Variants in SCCPDH observed in about 807,000 individuals in gnomAD.
SCCPDH encodes the protein saccharopine dehydrogenase-like oxidoreductase.
In SCCPDH, 34 loss-of-function variants were observed where a neutral mutation model predicts 51.5. The observed-to-expected ratio is 0.66, with a 90% CI of 0.50 to 0.88. SCCPDH has a LOEUF of 0.88. SCCPDH is among the 40% of genes least tolerant of loss of function. The probability of loss-of-function intolerance (pLI) is 0.00; values close to 1 mark genes in which losing one functional copy is unlikely to be tolerated. For missense variants in SCCPDH, 464 were observed against 527.1 expected (o/e 0.88, Z 1.17); for synonymous variants, 187 against 191.3 (o/e 0.98, Z 0.19).
At chr1:246,735,232 C>T (rs187113770) in intron 2 of SCCPDH, among the ~76,000 whole-genome samples, 98 of 152,248 alleles carry the variant, frequency 6.4e-4, no homozygotes, top group African/African-American at 2.2e-3. Context: ...CTGATGTGGC[C>T]GTAGCCTGCC....
Position 246,744,138 on chromosome 1 carries a change from G to A in SCCPDH, c.564+13G>A. ...TTCAGGACCTGAGGTTGGTTTTTTG[G>A]TTTGTCTTGTGTTGTTTCAAGTTAA... On this transcript the variant is annotated intron_variant, in intron 5 of 11. Transcript: ENST00000366510. 1.3e-6 allele frequency: 2 copies of A among 1,553,000 alleles called. No homozygotes were observed. Among genetic ancestry groups the A allele is most frequent in the Non-Finnish European group, 1.8e-6 (2 of 1,128,406 alleles).
rs754617595 is a variant in SCCPDH at position 246,724,443 on chromosome 1, T to A, written c.21T>A (p.Pro7=). 2 of 1,585,564 alleles carry A rather than the reference T, an allele frequency of 1.3e-6. No individual in the cohort carries two copies. Among genetic ancestry groups the A allele is most frequent in the South Asian group, 1.1e-5 (1 of 87,244 alleles). The change falls in exon 1 of 12, where the codon CCT becomes CCA. Residue 7 remains proline, a synonymous_variant. Coordinates refer to ENST00000366510, the MANE Select transcript of SCCPDH (RefSeq NM_016002.3). ...TCGTCATGGCGACCGAGCAGAGGCC[T>A]TTCCACCTGGTGGTGTTCGGCGCGT... MATEQR[P]FHLVVFGASG...
intron 5 of SCCPDH, among the ~76,000 whole-genome samples, chr1:246,746,542 T>G (rs1668764127): frequency 6.6e-6 from 1 of 152,102 alleles, no homozygotes; most frequent in Admixed American, 6.5e-5. Flanking sequence ...TCCTCCCTTA[T>G]AAGAATAAAA....
intron 2 of SCCPDH, among the ~76,000 whole-genome samples, chr1:246,733,462 C>G (rs895146660): frequency 6.7e-6 from 1 of 148,448 alleles, no homozygotes; most frequent in African/African-American, 2.5e-5. Flanking sequence ...TATATGGCCT[C>G]TATATATAGT....
intron 2 of SCCPDH, among the ~76,000 whole-genome samples, chr1:246,727,353 C>T (rs35736382): frequency 0.17 from 25,739 of 151,996 alleles, 3,207 homozygotes; most frequent in African/African-American, 0.34. Flanking sequence ...TATTCTTGTA[C>T]TACTGGGTAA....
intron 4 of SCCPDH, among the ~76,000 whole-genome samples, chr1:246,743,190 C>T (rs1181305932): frequency 1.3e-5 from 2 of 151,848 alleles, no homozygotes; most frequent in Non-Finnish European, 2.9e-5. Context: ...GCCTTGAACT[C>T]CTGGGCTCAA....
intron 5 of SCCPDH, among the ~76,000 whole-genome samples, chr1:246,752,953 G>A (rs933033895): frequency 3.3e-5 from 5 of 151,464 alleles, no homozygotes; most frequent in African/African-American, 1.2e-4. Flanking sequence ...CTCTCCCTTT[G>A]CCTCTTCGTC....
intron 3 of SCCPDH, among the ~76,000 whole-genome samples, chr1:246,737,219 A>T (rs1558168077): frequency 7.7e-6 from 1 of 130,692 alleles, no homozygotes; most frequent in Non-Finnish European, 1.6e-5. Flanking sequence ...TGATTCAAAA[A>T]GGAGGAAACA....
At chr1:246,754,145 A>C (rs1390247740) in intron 5 of SCCPDH, among the ~76,000 whole-genome samples, 1 of 151,896 alleles carries the variant, frequency 6.6e-6, no homozygotes, top group Non-Finnish European at 1.5e-5. Context: ...CAACCCCCGC[A>C]GAGTATCCCG....
intron 2 of SCCPDH, among the ~76,000 whole-genome samples, chr1:246,728,037 C>T (rs909779423): frequency 1.6e-5 from 1 of 63,172 alleles, no homozygotes; most frequent in South Asian, 5.8e-4. Context: ...GCCCTGGGGT[C>T]GTAGTGGTGC....
In SCCPDH at chr1:246,767,430, T is replaced by G; in HGVS notation, c.*130T>G. ...TTGTCAAATCTAAAATATCTATATATTAAAAAGTAGGAAATTGTCCTAGCT... is the reference window on the plus strand; with the variant it reads ...TTGTCAAATCTAAAATATCTATATAGTAAAAAGTAGGAAATTGTCCTAGCT... On this transcript the variant is annotated 3_prime_UTR_variant, in exon 12 of 12. Coordinates refer to ENST00000366510, the MANE Select transcript of SCCPDH (RefSeq NM_016002.3). The G allele has an allele frequency of 2.1e-6, 1 of 482,852 alleles. No homozygotes were observed. Among genetic ancestry groups the G allele is most frequent in the East Asian group, 3.5e-5 (1 of 28,754 alleles). 29.9% of individuals were successfully genotyped at this position (482,852 alleles called of 1,614,324 possible).
chr1:246,747,391 A>G (rs908511729), intron 5 of SCCPDH, among the ~76,000 whole-genome samples: 1 of 152,176 alleles, frequency 6.6e-6, no homozygotes, highest in Non-Finnish European at 1.5e-5. Flanking sequence ...GTTTCAGTTA[A>G]TTAAGAAAGT....
rs1328194262 is a variant in SCCPDH, at chr1:246,758,098, A to G, written c.565-128A>G. The G allele has an allele frequency of 1.2e-5, 8 of 688,972 alleles. No homozygotes were observed. The Admixed American group carries it at 2.9e-4, about 25-fold the overall frequency. The allele number at this position is 688,972 out of a possible 1,614,324, so 42.7% of individuals were successfully genotyped here. On this transcript the variant is annotated intron_variant, in intron 5 of 11. Coordinates refer to ENST00000366510, the MANE Select transcript of SCCPDH (RefSeq NM_016002.3). The stretch of plus-strand genomic sequence containing the variant: ...GGTCATGAAAATTCTCCTCAAGATT[A>G]TTAAATCAGGGATTATGTCTTGTCC...
At position 246,726,936 on chromosome 1, in the gene SCCPDH, A is replaced by G; in HGVS notation, c.235A>G (p.Ile79Val). The stretch of plus-strand genomic sequence containing the variant: ...TGAAGTTGGAATCATCATCTGTGAT[A>G]TTGCTAATCCAGCCTCGCTTGATGA... ...SSEVGIIICD[I>V]ANPASLDEMA... The change falls in exon 2 of 12, where the codon ATT becomes GTT. Residue 79 changes from isoleucine to valine, a missense_variant. By Grantham distance (29) the Ile-to-Val change is conservative. Coordinates refer to ENST00000366510, the MANE Select transcript of SCCPDH (RefSeq NM_016002.3). 6.2e-7 allele frequency: 1 copy of G among 1,614,200 alleles called. No individual in the cohort carries two copies. Among genetic ancestry groups the G allele is most frequent in the Non-Finnish European group, 8.5e-7 (1 of 1,180,018 alleles).
At chr1:246,764,470 GTACAAATTAAGTAACTTAAAAT>G in intron 10 of SCCPDH, 113 bp downstream of exon 10, 1 of 531,626 alleles carries the variant, frequency 1.9e-6, no homozygotes, top group Non-Finnish European at 3.2e-6. Context: ...AAATACATTT[GTACAAATTAAGTAACTTAAAAT>G]TATTCTGTCA....
In SCCPDH at chr1:246,746,326, A is replaced by AGCT. The variant is rs1003466013; in HGVS notation, c.564+2202_564+2203insCTG. ...CATGCACCGGCAATCAGAACGGAAC[A>AGCT]GAACAGGACAGGGATTTTCACAGTG... On this transcript the variant is annotated intron_variant, in intron 5 of 11. Transcript: ENST00000366510. Among the ~76,000 whole-genome samples the AGCT allele has an allele frequency of 5.9e-5, 9 of 152,272 alleles. 2 individuals are homozygous for AGCT. The highest frequency in any genetic ancestry group is 6.5e-5 in the Admixed American group (1 of 15,298).
At chr1:246,762,841 C>CAAAA (rs35066232) in intron 9 of SCCPDH, among the ~76,000 whole-genome samples, 3 of 90,922 alleles carry the variant, frequency 3.3e-5, no homozygotes, top group African/African-American at 8.3e-5. Flanking sequence ...ATTCCTTCTC[C>CAAAA]AAAAAAAAAA....
At position 246,746,621 on chromosome 1, in the gene SCCPDH, A is replaced by G. The variant is rs138211079; in HGVS notation, c.564+2496A>G. The stretch of plus-strand genomic sequence containing the variant: ...TTTGGGAGGCTGAGGCAGATGGATC[A>G]CTTGAGGTCAGGAGTTTGAGACCAG... On this transcript the variant is annotated intron_variant, in intron 5 of 11. Coordinates refer to ENST00000366510, the MANE Select transcript of SCCPDH (RefSeq NM_016002.3). Among the ~76,000 whole-genome samples, 444 of 152,256 alleles carry G rather than the reference A, an allele frequency of 2.9e-3. 1 individual carries two copies. The highest frequency in any genetic ancestry group is 0.01 in the African/African-American group (418 of 41,548).
rs756401137 is a variant in SCCPDH at position 246,724,469 on chromosome 1, C to G, written c.47C>G (p.Ser16Cys). Residue 16 changes from serine to cysteine, a missense_variant, in exon 1 of 12, where the codon TCT (serine) becomes TGT (cysteine). By Grantham distance (112) the Ser-to-Cys change is moderately radical. Coordinates refer to ENST00000366510, the MANE Select transcript of SCCPDH (RefSeq NM_016002.3). ...RPFHLVVFGA[S>C]GFTGQFVTEE... ...TTCCACCTGGTGGTGTTCGGCGCGT[C>G]TGGCTTCACCGGCCAGTTCGTGACC... 4 of 1,590,930 alleles carry G rather than the reference C, an allele frequency of 2.5e-6. No individual in the cohort carries two copies. In the East Asian group the frequency reaches 9.4e-5, roughly 37 times the overall value.
Sources: allele counts gnomAD v4.1 joint callset (sites outside exome capture counted in the v4.1 genomes callset), GRCh38; gene constraint gnomAD v4.1.1; transcripts MANE v1.5; gene names NCBI Gene and HGNC (gene_info 2026-07-23, HGNC 2026-07-21).